Variants in WDPCP observed in about 807,000 individuals in gnomAD.
WDPCP encodes the protein WD repeat-containing and planar cell polarity effector protein fritz homolog.
A neutral mutation model predicts 93.1 loss-of-function variants in WDPCP; 71 were observed. That is an observed-to-expected ratio of 0.76 (90% CI 0.63 to 0.93). The LOEUF (loss-of-function observed/expected upper bound fraction) is 0.93. Ranked by LOEUF, WDPCP falls within the 40% of genes least tolerant of loss-of-function variation. The pLI is 0.00. For synonymous variants in WDPCP, 315 were observed against 315.0 expected (o/e 1.00, Z 0.00); for missense variants, 844 against 887.4 (o/e 0.95, Z 0.62).
chr2:63,216,890 A>C (rs1214144629), intron 14 of WDPCP, among the ~76,000 whole-genome samples: 1 of 152,204 alleles, frequency 6.6e-6, no homozygotes, highest in African/African-American at 2.4e-5. Flanking sequence ...ATGTGGTCTA[A>C]AGACACTGAA....
At chr2:63,515,338 G>T (rs532071590) in intron 1 of WDPCP, among the ~76,000 whole-genome samples, 2 of 152,188 alleles carry the variant, frequency 1.3e-5, no homozygotes, top group African/African-American at 4.8e-5. Flanking sequence ...ATTGATATCT[G>T]AACATGATTT....
intron 3 of WDPCP, among the ~76,000 whole-genome samples, chr2:63,624,523 C>T (rs2106634049): frequency 6.6e-6 from 1 of 152,240 alleles, no homozygotes; most frequent in African/African-American, 2.4e-5. Flanking sequence ...CACAGAAATA[C>T]AAACTACCAT....
chr2:63,458,419 A>G (rs1360302749), intron 6 of WDPCP, among the ~76,000 whole-genome samples: 3 of 152,168 alleles, frequency 2.0e-5, no homozygotes, highest in Non-Finnish European at 4.4e-5. Flanking sequence ...ACTGATCAGC[A>G]TACATGTAAA....
intron 17 of WDPCP, among the ~76,000 whole-genome samples, chr2:63,132,248 T>C (rs1038584012): frequency 2.6e-5 from 4 of 152,130 alleles, no homozygotes; most frequent in African/African-American, 9.7e-5. Context: ...GTCATTTTTC[T>C]CTTGTAGCTC....
At chr2:63,547,268 G>A (rs1365725260) in intron 1 of WDPCP, among the ~76,000 whole-genome samples, 7 of 152,080 alleles carry the variant, frequency 4.6e-5, no homozygotes, top group Non-Finnish European at 1.0e-4. Flanking sequence ...TGACAAGGAT[G>A]TAGACAAAAA....
At chr2:63,674,108 C>T (rs1257892467) in intron 2 of WDPCP, among the ~76,000 whole-genome samples, 1 of 152,234 alleles carries the variant, frequency 6.6e-6, no homozygotes, top group African/African-American at 2.4e-5. Context: ...AAATCCACAT[C>T]AGAGTCCCAA....
In WDPCP at chr2:63,575,483, A is replaced by ATGTACTG. The variant is rs1428295555; in HGVS notation, c.75+12713_75+12714insCAGTACA. Reference sequence around the variant, plus strand: ...AGTATATATGCAGTATATACAGTGTATATATAGTATATACAGTATATACAC... The same window carrying ATGTACTG: ...AGTATATATGCAGTATATACAGTGTATGTACTGTATATAGTATATACAGTATATACAC... On this transcript the variant is annotated intron_variant, in intron 1 of 17. Coordinates refer to ENST00000272321, the MANE Select transcript of WDPCP (RefSeq NM_015910.7). Among the ~76,000 whole-genome samples, 2 of 94,912 alleles carry ATGTACTG rather than the reference A, an allele frequency of 2.1e-5. 1 individual carries two copies. Among genetic ancestry groups the ATGTACTG allele is most frequent in the East Asian group, 5.1e-4 (2 of 3,906 alleles). The allele number at this position is 94,912 out of a possible 152,430, so 62.3% of individuals were successfully genotyped here. A position where few individuals can be genotyped will look rare whatever the true frequency, so the allele number is the denominator to read the frequency against.
At chr2:63,191,253 G>T (rs1046213817) in intron 14 of WDPCP, among the ~76,000 whole-genome samples, 1 of 152,058 alleles carries the variant, frequency 6.6e-6, no homozygotes, top group Admixed American at 6.5e-5. Flanking sequence ...TTAGCCAGGC[G>T]TGGTGGCGGG....
chr2:63,222,600 T>A (rs1677935473), intron 14 of WDPCP, among the ~76,000 whole-genome samples: 1 of 152,272 alleles, frequency 6.6e-6, no homozygotes, highest in Admixed American at 6.5e-5. Context: ...ATGGCACATC[T>A]AGGTAGGTAG....
rs1709290092 is a variant in WDPCP at position 63,595,426 on chromosome 2, A to G, written n.488+55233T>C. The G allele has an allele frequency of 2.5e-6, 4 of 1,600,670 alleles. No homozygotes were observed. Among genetic ancestry groups the G allele is most frequent in the South Asian group, 2.2e-5 (2 of 90,798 alleles). ...TGCTGTCCTTGCTATTTGGTAGCCT[A>G]TAATTCTTGTGCTGTTGGATATCAC... On this transcript the variant is annotated intron_variant and non_coding_transcript_variant, in intron 3 of 4. Transcript: ENST00000467687.
chr2:63,267,143 G>T (rs1443805242), intron 13 of WDPCP, among the ~76,000 whole-genome samples: 1 of 152,100 alleles, frequency 6.6e-6, no homozygotes, highest in Admixed American at 6.6e-5. Context: ...ATTGAAGAAT[G>T]GTACAAGATA....
intron 1 of WDPCP, among the ~76,000 whole-genome samples, chr2:63,533,102 A>G (rs1049841457): frequency 2.8e-4 from 43 of 152,254 alleles, no homozygotes; most frequent in African/African-American, 9.6e-4. Flanking sequence ...AAAGATCAAA[A>G]GAGACAAAGA....
chr2:63,274,287 T>C (rs1682903467), intron 13 of WDPCP, among the ~76,000 whole-genome samples: 1 of 151,744 alleles, frequency 6.6e-6, no homozygotes, highest in Admixed American at 6.6e-5. Context: ...AATAAAAAAA[T>C]GAAACAAATG....
intron 12 of WDPCP, among the ~76,000 whole-genome samples, chr2:63,341,154 A>G (rs1384777105): frequency 6.6e-6 from 1 of 152,214 alleles, no homozygotes; most frequent in Non-Finnish European, 1.5e-5. Context: ...TTAAAGACAG[A>G]GTCTCACTCT....
intron 17 of WDPCP, among the ~76,000 whole-genome samples, chr2:63,129,780 C>T (rs1670169014): frequency 1.3e-5 from 2 of 152,110 alleles, no homozygotes; most frequent in Non-Finnish European, 2.9e-5. Flanking sequence ...ATGCTTGTGT[C>T]CCTGATATTA....
chr2:63,318,838 C>T (rs967944605), intron 12 of WDPCP, among the ~76,000 whole-genome samples: 2 of 152,116 alleles, frequency 1.3e-5, no homozygotes, highest in East Asian at 1.9e-4. Flanking sequence ...CATAGTTATT[C>T]TGGGTGATGA....
rs551800713 is a variant in WDPCP, at chr2:63,389,516, A to G, written c.1436-7422T>C. Among the ~76,000 whole-genome samples, 14 of 152,286 alleles carry G rather than the reference A, an allele frequency of 9.2e-5. No homozygotes were observed. The East Asian group carries it at 1.2e-3, about 13-fold the overall frequency. Reference sequence around the variant, plus strand: ...TTAACAGGCAAAATAACCAGCTAACATCATGACAGGATCACATTCACACAT... The same window carrying G: ...TTAACAGGCAAAATAACCAGCTAACGTCATGACAGGATCACATTCACACAT... On this transcript the variant is annotated intron_variant, in intron 10 of 17. Coordinates refer to ENST00000272321, the MANE Select transcript of WDPCP (RefSeq NM_015910.7).
At chr2:63,658,159 A>C (rs1028526465) in intron 2 of WDPCP, among the ~76,000 whole-genome samples, 16 of 152,084 alleles carry the variant, frequency 1.1e-4, no homozygotes, top group Non-Finnish European at 2.2e-4. Context: ...ATCTTGCTTC[A>C]CATTATACCT....
At position 63,471,252 on chromosome 2, in the gene WDPCP, G is replaced by A. The variant is rs115171770; in HGVS notation, c.384+13352C>T. On this transcript the variant is annotated intron_variant, in intron 6 of 17. Transcript: ENST00000272321. ...CATATTGTTGGTACTAAATAAATAT[G>A]CATTGAGTGAATGAATGGTCACAAG... Among the ~76,000 whole-genome samples the A allele has an allele frequency of 7.9e-3, 1,210 of 152,308 alleles. 14 individuals carry two copies. The highest frequency in any genetic ancestry group is 0.024 in the African/African-American group (991 of 41,566).
Sources: allele counts gnomAD v4.1 joint callset (sites outside exome capture counted in the v4.1 genomes callset), GRCh38; gene constraint gnomAD v4.1.1; transcripts MANE v1.5; gene names NCBI Gene and HGNC (gene_info 2026-07-23, HGNC 2026-07-21).